MTSS1: variants seen among roughly 807,000 people sequenced by gnomAD.
MTSS1 encodes MTSS I-BAR domain containing 1.
MTSS1 carries 18 observed loss-of-function variants against 79.0 expected under a neutral mutation model. The ratio of observed to expected loss-of-function variants is 0.23; its 90% CI spans 0.16 to 0.34. MTSS1 has a LOEUF of 0.34. MTSS1 is among the 10% of genes least tolerant of loss of function. The pLI is 1.00. For synonymous variants in MTSS1, 341 were observed against 368.6 expected (o/e 0.93, Z 0.86); for missense variants, 815 against 986.2 (o/e 0.83, Z 2.33).
chr8:124,694,422 G>C lies in MTSS1; in HGVS notation c.208+5104C>G, dbSNP rs80109006. On this transcript the variant is annotated intron_variant, in intron 3 of 13. Transcript: ENST00000518547. ...TCCAATGCCTGAGGAAGGCATTTCA[G>C]ATTCTCAGAAGGAAGGAAATGGATC... is the stretch of plus-strand genomic sequence containing the variant. 6.8e-3 allele frequency among the ~76,000 whole-genome samples: 1,033 copies of C among 152,014 alleles called. 13 individuals carry two copies. The highest frequency in any genetic ancestry group is 0.023 in the African/African-American group (947 of 41,430).
At chr8:124,591,051 C>T in intron 4 of MTSS1, 100 bp downstream of exon 4, 1 of 1,003,096 alleles carries the variant, frequency 1.0e-6, no homozygotes, top group Non-Finnish European at 1.6e-6. Context: ...CCAAGTCAGA[C>T]AGATTGTGGG....
chr8:124,633,639 A>T (rs1816439069), intron 3 of MTSS1, among the ~76,000 whole-genome samples: 1 of 152,080 alleles, frequency 6.6e-6, no homozygotes, highest in Non-Finnish European at 1.5e-5. Context: ...GTGTGGTGGC[A>T]CACGCCTGTA....
intron 3 of MTSS1, among the ~76,000 whole-genome samples, chr8:124,633,307 A>G (rs149903267): frequency 1.6e-4 from 24 of 152,332 alleles, no homozygotes; most frequent in Non-Finnish European, 2.8e-4. Flanking sequence ...CTTTAAGAAC[A>G]GCATTCAGAA....
At position 124,660,382 on chromosome 8, in the gene MTSS1, T is replaced by C. The variant is rs563038905; in HGVS notation, c.208+39144A>G. ...GGGGGCAAGGAACGAATGGCACTAGTTTATAATTAGAATGTATATTTTGGT... is the reference window on the plus strand; with the variant it reads ...GGGGGCAAGGAACGAATGGCACTAGCTTATAATTAGAATGTATATTTTGGT... On this transcript the variant is annotated intron_variant, in intron 3 of 13. Transcript: ENST00000518547. Among the ~76,000 whole-genome samples the C allele has an allele frequency of 4.0e-5, 6 of 151,646 alleles. No individual in the cohort carries two copies. The South Asian group carries it at 1.3e-3, about 32-fold the overall frequency.
At chr8:124,662,065 T>C (rs1471530386) in intron 3 of MTSS1, among the ~76,000 whole-genome samples, 1 of 152,226 alleles carries the variant, frequency 6.6e-6, no homozygotes, top group African/African-American at 2.4e-5. Flanking sequence ...CTCAGCTCTT[T>C]AGCCTGAAAG....
At chr8:124,591,055 T>G in intron 4 of MTSS1, 96 bp downstream of exon 4, 5 of 1,009,232 alleles carry the variant, frequency 5.0e-6, no homozygotes, top group Non-Finnish European at 7.8e-6. Context: ...GTCAGACAGA[T>G]TGTGGGGATT....
chr8:124,652,640 T>C (rs541186146), intron 3 of MTSS1, among the ~76,000 whole-genome samples: 2 of 151,786 alleles, frequency 1.3e-5, no homozygotes, highest in Non-Finnish European at 2.9e-5. Context: ...ACTAAAAATA[T>C]AAAAATTATC....
chr8:124,557,691 G>T lies in MTSS1; in HGVS notation c.1220C>A (p.Pro407His). 1 of 1,579,652 alleles carries T rather than the reference G, an allele frequency of 6.3e-7. No individual in the cohort carries two copies. The highest frequency in any genetic ancestry group is 8.6e-7 in the Non-Finnish European group (1 of 1,162,648). Reference sequence around the variant, plus strand: ...GGGAGAGACACAAACCTTCCAGCTAGGGATCTGAGATGACGGGAACATGCC... The same window carrying T: ...GGGAGAGACACAAACCTTCCAGCTATGGATCTGAGATGACGGGAACATGCC... Reference protein sequence around the residue: ...GPGMFPSSQIPSWKDWAKPGP... With the variant: ...GPGMFPSSQIHSWKDWAKPGP... The change falls in exon 11 of 14, where the codon CCT becomes CAT. Residue 407 changes from proline (P) to histidine (H), a missense_variant. Around this residue, in one of 2 missense-constraint regions of MTSS1, gnomAD observed 590 missense variants for 620.8 expected, o/e 0.95. Transcript: ENST00000518547.
chr8:124,656,781 C>CAAAAAAAA (rs59332225), intron 3 of MTSS1, among the ~76,000 whole-genome samples: 7 of 51,324 alleles, frequency 1.4e-4, no homozygotes, highest in African/African-American at 3.4e-4. Flanking sequence ...GACTCCATCT[C>CAAAAAAAA]AAAAAAAAAA....
rs1052148785 is a variant in MTSS1 at position 124,552,652 on chromosome 8, C to T, written c.*340G>A. Reference sequence around the variant, plus strand: ...AATCCTTTTCTAAAATTAACTACTTCGTGGTTCCCCTGCCCCAACCCCCTT... The same window carrying T: ...AATCCTTTTCTAAAATTAACTACTTTGTGGTTCCCCTGCCCCAACCCCCTT... On this transcript the variant is annotated 3_prime_UTR_variant, in exon 14 of 14. Transcript: ENST00000518547. 14 of 250,062 alleles carry T rather than the reference C, an allele frequency of 5.6e-5. No individual in the cohort carries two copies. The East Asian group carries it at 7.3e-4, about 13-fold the overall frequency. The allele number at this position is 250,062 out of a possible 1,614,324, so 15.5% of individuals were successfully genotyped here.
At chr8:124,609,617 AG>A (rs1835438593) in intron 3 of MTSS1, among the ~76,000 whole-genome samples, 1 of 152,220 alleles carries the variant, frequency 6.6e-6, no homozygotes, top group African/African-American at 2.4e-5. Context: ...GGAAGGAAAG[AG>A]AGACTAAGGG....
intron 3 of MTSS1, among the ~76,000 whole-genome samples, chr8:124,665,528 C>T (rs905759104): frequency 4.6e-5 from 7 of 152,182 alleles, no homozygotes; most frequent in Non-Finnish European, 1.0e-4. Context: ...CTCACAGGGC[C>T]CTGGCTTGGC....
rs1826459249 is a variant in MTSS1, at chr8:124,683,466, T to C, written c.208+16060A>G. Among the ~76,000 whole-genome samples, 1 of 152,166 alleles carries C rather than the reference T, an allele frequency of 6.6e-6. No individual in the cohort carries two copies. The highest frequency in any genetic ancestry group is 1.5e-5 in the Non-Finnish European group (1 of 68,026). On this transcript the variant is annotated intron_variant, in intron 3 of 13. Transcript: ENST00000518547. The surrounding 1 kb of genome is among the most constrained non-coding windows in gnomAD (Gnocchi z 4.5). ...GCAAGGATCCAAACCTAGTAGGGAA[T>C]TTCCAAGAGTGCCAGCTTCTCTGAC...
intron 3 of MTSS1, among the ~76,000 whole-genome samples, chr8:124,621,167 C>T (rs927381646): frequency 1.3e-5 from 2 of 152,190 alleles, no homozygotes; most frequent in Non-Finnish European, 1.5e-5. Flanking sequence ...ATACTGCGAT[C>T]GCCATGACTC....
chr8:124,625,081 G>A (rs562272561), intron 3 of MTSS1, among the ~76,000 whole-genome samples: 2 of 152,244 alleles, frequency 1.3e-5, no homozygotes, highest in South Asian at 4.2e-4. Context: ...TGGTTTTCTG[G>A]GCAGGATTCT....
At chr8:124,600,042 AAAAAAAAAAAAAC>A (rs200068377) in intron 3 of MTSS1, among the ~76,000 whole-genome samples, 20,249 of 141,982 alleles carry the variant, frequency 0.14, 2,457 homozygotes, top group African/African-American at 0.35. Flanking sequence ...TTGTACTACA[AAAAAAAAAAAAAC>A]AAAAAAAAAA....
chr8:124,583,351 A>C (rs1383889153), intron 6 of MTSS1, among the ~76,000 whole-genome samples: 1 of 152,200 alleles, frequency 6.6e-6, no homozygotes, highest in East Asian at 1.9e-4. Flanking sequence ...ATATCTTCCT[A>C]TCCAGCCTTG....
chr8:124,689,774 G>A (rs942756684), intron 3 of MTSS1, among the ~76,000 whole-genome samples: 2 of 149,608 alleles, frequency 1.3e-5, no homozygotes, highest in African/African-American at 2.5e-5. Context: ...AAAATTCTTC[G>A]CTTCATCTGC....
At position 124,552,155 on chromosome 8, in the gene MTSS1, A is replaced by G. The variant is rs1586730117; in HGVS notation, c.*837T>C. Reference sequence around the variant, plus strand: ...ACGAGAAACTGAAGTGGGAGATTCTACGACTGCCCAGAGGCAGCAGCATGC... The same window carrying G: ...ACGAGAAACTGAAGTGGGAGATTCTGCGACTGCCCAGAGGCAGCAGCATGC... On this transcript the variant is annotated 3_prime_UTR_variant, in exon 14 of 14. Transcript: ENST00000518547. The G allele has an allele frequency of 6.5e-6, 1 of 152,688 alleles. No homozygotes were observed. Among genetic ancestry groups the G allele is most frequent in the Non-Finnish European group, 1.5e-5 (1 of 68,054 alleles). The allele number at this position is 152,688 out of a possible 1,614,324, so 9.5% of individuals were successfully genotyped here. A position where few individuals can be genotyped will look rare whatever the true frequency, so the allele number is the denominator to read the frequency against.
Sources: gnomAD v4.1 joint callset for allele counts (sites outside exome capture counted in the v4.1 genomes callset) on GRCh38, gnomAD v4.1.1 for gene constraint, gnomAD v4.1.1 regional missense constraint, Gnocchi (gnomAD v3.1) non-coding constraint, MANE v1.5 for transcripts, NCBI Gene and HGNC (gene_info 2026-07-23, HGNC 2026-07-21) for gene names.